CACNA2D2: variants seen among roughly 807,000 people sequenced by gnomAD.
The protein encoded by CACNA2D2 is voltage-dependent calcium channel subunit alpha-2/delta-2.
Under a neutral mutation model 166.4 loss-of-function variants are expected in CACNA2D2, and 48 were observed. The observed-to-expected ratio is 0.29, with a 90% CI of 0.23 to 0.37. CACNA2D2 has a LOEUF of 0.37. CACNA2D2 is among the 10% of genes least tolerant of loss of function. CACNA2D2 has a pLI of 1.00. For synonymous variants in CACNA2D2, 561 were observed against 573.7 expected, an observed-to-expected ratio of 0.98 and a Z score of 0.32; for missense variants, 1,122 against 1,433.0, an observed-to-expected ratio of 0.78 and a Z score of 3.50.
chr3:50,452,762 C>G (rs887713022), intron 2 of CACNA2D2, among the ~76,000 whole-genome samples: 20 of 152,224 alleles, frequency 1.3e-4, no homozygotes, highest in African/African-American at 4.3e-4. Context: ...GACTTTATCA[C>G]AAGAGTCAAA....
chr3:50,450,244 C>A (rs1709034193), intron 2 of CACNA2D2, among the ~76,000 whole-genome samples: 2 of 152,126 alleles, frequency 1.3e-5, no homozygotes, highest in Admixed American at 6.5e-5. Context: ...GGCCTGGCTC[C>A]CTTTGAGGGC....
At chr3:50,488,333 C>A (rs1698377398) in intron 1 of CACNA2D2, among the ~76,000 whole-genome samples, 1 of 152,158 alleles carries the variant, frequency 6.6e-6, no homozygotes, top group African/African-American at 2.4e-5. Flanking sequence ...GAAGCTGGGC[C>A]TCTTTAAGTG....
At chr3:50,415,815 G>C (rs2106818473) in intron 3 of CACNA2D2, 1 of 152,408 alleles carries the variant, frequency 6.6e-6, no homozygotes, top group South Asian at 2.1e-4. Flanking sequence ...TGGCTGCACA[G>C]ACACTCCAGT....
chr3:50,410,329 CACTCAT>C (rs958244887), intron 3 of CACNA2D2, among the ~76,000 whole-genome samples: 19 of 152,380 alleles, frequency 1.2e-4, no homozygotes, highest in Middle Eastern at 3.4e-3. Flanking sequence ...GAGCCATCCT[CACTCAT>C]TCTCACAGGT....
At chr3:50,440,536 A>G (rs1267467223) in intron 2 of CACNA2D2, among the ~76,000 whole-genome samples, 1 of 152,254 alleles carries the variant, frequency 6.6e-6, no homozygotes, top group African/African-American at 2.4e-5. Flanking sequence ...TATCCAGTAC[A>G]GAATGCCTGG....
At chr3:50,479,613 G>A (rs1229528741) in intron 1 of CACNA2D2, among the ~76,000 whole-genome samples, 2 of 152,210 alleles carry the variant, frequency 1.3e-5, no homozygotes, top group Non-Finnish European at 2.9e-5. Flanking sequence ...CCTGCCTTGT[G>A]GACGAGAAGC....
chr3:50,380,909 C>A lies in CACNA2D2; in HGVS notation c.784+86G>T. 1.3e-6 allele frequency: 2 copies of A among 1,574,156 alleles called. No individual in the cohort carries two copies. Among genetic ancestry groups the A allele is most frequent in the Non-Finnish European group, 1.7e-6 (2 of 1,156,200 alleles). On this transcript the variant is annotated intron_variant, in intron 7 of 37. Transcript: ENST00000424201. The surrounding 1 kb of genome is among the most constrained non-coding windows in gnomAD (Gnocchi z 4.9). Reference sequence around the variant, plus strand: ...CTGCCACAGACTACAGAGAAGCCACCCCGCCCCATGCCCCCAGGATGGGTG... The same window carrying A: ...CTGCCACAGACTACAGAGAAGCCACACCGCCCCATGCCCCCAGGATGGGTG...
At chr3:50,374,929 AC>A in intron 21 of CACNA2D2, 116 bp from the exon 22 acceptor site, 1 of 821,580 alleles carries the variant, frequency 1.2e-6, no homozygotes, top group Non-Finnish European at 2.0e-6. Context: ...TCCTCCCACC[AC>A]CAGGGACCCC....
chr3:50,502,138 A>G (rs1421585041), intron 1 of CACNA2D2, among the ~76,000 whole-genome samples: 1 of 152,136 alleles, frequency 6.6e-6, no homozygotes, highest in East Asian at 1.9e-4. Context: ...GGTTTAAATG[A>G]CGCAGAGCCA....
At chr3:50,445,387 C>T (rs989607907) in intron 2 of CACNA2D2, among the ~76,000 whole-genome samples, 4 of 152,226 alleles carry the variant, frequency 2.6e-5, no homozygotes, top group Admixed American at 6.5e-5. Flanking sequence ...ACCAGAGTCA[C>T]TGTGAATGTG....
chr3:50,396,833 C>T (rs1706181466), intron 3 of CACNA2D2, among the ~76,000 whole-genome samples: 1 of 152,170 alleles, frequency 6.6e-6, no homozygotes, highest in South Asian at 2.1e-4. Context: ...CTGTTGAGGC[C>T]CCTGTCCTTC....
intron 1 of CACNA2D2, among the ~76,000 whole-genome samples, chr3:50,478,037 T>C (rs546632244): frequency 4.6e-5 from 7 of 151,652 alleles, no homozygotes; most frequent in African/African-American, 1.7e-4. Context: ...AAGCTGAATG[T>C]CAGGACCATG....
At position 50,379,067 on chromosome 3, in the gene CACNA2D2, A is replaced by G. The variant is rs1683758065; in HGVS notation, c.1260+25T>C. ...TTCTGTACTGGGCCCAGGTCAGGGT[A>G]GCCCCTGCCTCGGTTGAGCCTCACC... On this transcript the variant is annotated intron_variant, in intron 12 of 37. Transcript: ENST00000424201. This position sits in a 1 kb window ranked among gnomAD's most constrained non-coding sequence, Gnocchi z 6.5. 6.2e-7 allele frequency: 1 copy of G among 1,612,896 alleles called. No homozygotes were observed. The highest frequency in any genetic ancestry group is 1.1e-5 in the South Asian group (1 of 91,070).
intron 2 of CACNA2D2, among the ~76,000 whole-genome samples, chr3:50,453,373 G>C (rs1162327246): frequency 2.0e-5 from 3 of 152,184 alleles, no homozygotes; most frequent in Admixed American, 6.5e-5. Flanking sequence ...AATGTCCCCT[G>C]AATAGGACAG....
At position 50,381,063 on chromosome 3, in the gene CACNA2D2, C is replaced by T. The variant is rs201610016; in HGVS notation, c.716G>A (p.Arg239His). 122 of 1,613,586 alleles carry T rather than the reference C, an allele frequency of 7.6e-5. 1 individual carries two copies. The highest frequency in any genetic ancestry group is 8.1e-5 in the Non-Finnish European group (95 of 1,179,804). ...EALENVFMEN[R>H]RQDPTLLWQV... is the part of the protein sequence containing the mutation. ...CCACAGCAGTGTGGGGTCTTGTCTG[C>T]GGTTTTCCATGAACACATTCTCCAG... Residue 239 changes from arginine to histidine, a missense_variant, in exon 7 of 38, where the codon CGC (arginine) becomes CAC (histidine). Physicochemically the swap from Arg to His is conservative, Grantham distance 29. This residue lies in a region of CACNA2D2 where 840 missense variants were observed against 1,166.8 expected (regional missense o/e 0.72). Transcript: ENST00000424201.
chr3:50,414,029 T>C (rs1707156440), intron 3 of CACNA2D2, among the ~76,000 whole-genome samples: 1 of 151,806 alleles, frequency 6.6e-6, no homozygotes, highest in Admixed American at 6.6e-5. Flanking sequence ...TGATGTCTAG[T>C]GCCCTCTGGC....
In CACNA2D2 at chr3:50,427,008, A is replaced by AGATGCAGGCAGG. The variant is rs538847936; in HGVS notation, c.405+7293_405+7304dup. Among the ~76,000 whole-genome samples, 64 of 152,266 alleles carry AGATGCAGGCAGG rather than the reference A, an allele frequency of 4.2e-4. No individual in the cohort carries two copies. In the East Asian group the frequency reaches 0.012, roughly 29 times the overall value. ...CTCAGGATTCTCGACTGCCAGACAG[A>AGATGCAGGCAGG]GATGCAGGCAGGGGAGGCCGTCCCC... On this transcript the variant is annotated intron_variant, in intron 3 of 37. Coordinates refer to ENST00000424201, the MANE Select transcript of CACNA2D2 (RefSeq NM_006030.4). This position sits in a 1 kb window ranked among gnomAD's most constrained non-coding sequence, Gnocchi z 4.7.
intron 6 of CACNA2D2, 125 bp from the exon 7 acceptor site, chr3:50,381,251 C>T: frequency 8.8e-7 from 1 of 1,132,164 alleles, no homozygotes; most frequent in Non-Finnish European, 1.3e-6. Flanking sequence ...TATCCAGGCC[C>T]TCCCTATTTC....
chr3:50,448,048 G>A (rs1490603779), intron 2 of CACNA2D2, among the ~76,000 whole-genome samples: 1 of 152,166 alleles, frequency 6.6e-6, no homozygotes, highest in Non-Finnish European at 1.5e-5. Context: ...AGGGCCTTGA[G>A]CCCTCTGAGT....
Sources: allele counts gnomAD v4.1 joint callset (sites outside exome capture counted in the v4.1 genomes callset), GRCh38; gene constraint gnomAD v4.1.1; regional missense constraint gnomAD v4.1.1; non-coding constraint Gnocchi (gnomAD v3.1); transcripts MANE v1.5; gene names NCBI Gene and HGNC (gene_info 2026-07-23, HGNC 2026-07-21).